The following RNF139 variants were observed in gnomAD, a reference collection of about 807,000 sequenced individuals.
RNF139 encodes E3 ubiquitin-protein ligase RNF139.
Under a neutral mutation model 49.5 loss-of-function variants are expected in RNF139, and 15 were observed. The observed-to-expected ratio is 0.30, with a 90% CI of 0.20 to 0.47. RNF139 has a LOEUF of 0.47. RNF139 is among the 20% of genes least tolerant of loss of function. The probability of loss-of-function intolerance (pLI) is 1.00; values close to 1 mark genes in which losing one functional copy is unlikely to be tolerated. For synonymous variants in RNF139, 325 were observed against 300.9 expected, an observed-to-expected ratio of 1.08 and a Z score of -0.83; for missense variants, 619 against 806.3, an observed-to-expected ratio of 0.77 and a Z score of 2.81.
chr8:124,488,213 A>G lies in RNF139; in HGVS notation c.*569A>G, dbSNP rs1465500630. Among the ~76,000 whole-genome samples, 3 of 152,314 alleles carry G rather than the reference A, an allele frequency of 2.0e-5. No individual in the cohort carries two copies. Among genetic ancestry groups the G allele is most frequent in the Non-Finnish European group, 1.5e-5 (1 of 68,022 alleles). The stretch of plus-strand genomic sequence containing the variant: ...TGAGTTTGAAAGTCCTGATTCAGAG[A>G]GAGACTGAGGGTTGACAAATAAACT... On this transcript the variant is annotated 3_prime_UTR_variant, in exon 2 of 2. Coordinates refer to ENST00000303545, the MANE Select transcript of RNF139 (RefSeq NM_007218.4).
chr8:124,488,568 G>C lies in RNF139; in HGVS notation c.*924G>C, dbSNP rs765775569. On this transcript the variant is annotated 3_prime_UTR_variant, in exon 2 of 2. Transcript: ENST00000303545. The stretch of plus-strand genomic sequence containing the variant: ...TTTTACTATGAAATTTTACATACAT[G>C]ATGGAAAGTGGAAGACATATACCAA... 2.5e-6 allele frequency: 3 copies of C among 1,181,684 alleles called. No individual in the cohort carries two copies. In the South Asian group the frequency reaches 4.1e-5, roughly 16 times the overall value. The allele number at this position is 1,181,684 out of a possible 1,614,324, so 73.2% of individuals were successfully genotyped here. A position where few individuals can be genotyped will look rare whatever the true frequency, so the allele number is the denominator to read the frequency against.
chr8:124,479,014 C>T (rs117740805), intron 1 of RNF139, among the ~76,000 whole-genome samples: 1 of 152,086 alleles, frequency 6.6e-6, no homozygotes, highest in Non-Finnish European at 1.5e-5. Context: ...CGTGAGCCAC[C>T]GTGCCTGGCC....
At chr8:124,479,942 G>T (rs1405114661) in intron 1 of RNF139, among the ~76,000 whole-genome samples, 1 of 152,042 alleles carries the variant, frequency 6.6e-6, no homozygotes, top group East Asian at 1.9e-4. Flanking sequence ...GTTGAGCAGT[G>T]TAGTGAGACC....
In RNF139 at chr8:124,486,666, G is replaced by A. The variant is rs762387529; in HGVS notation, c.1017G>A (p.Gly339=). The A allele has an allele frequency of 6.2e-7, 1 of 1,613,992 alleles. No individual in the cohort carries two copies. The change falls in exon 2 of 2, where the codon GGG becomes GGA. Residue 339 remains glycine (G), a synonymous_variant. Coordinates refer to ENST00000303545, the MANE Select transcript of RNF139 (RefSeq NM_007218.4). ...VLFFILALQT[G]LSGLRPEERL... is the part of the protein sequence containing the mutation. ...TTTTTATTTTGGCTCTTCAGACTGG[G>A]TTAAGTGGGCTAAGACCAGAAGAGA...
chr8:124,476,631 C>T (rs540877226), intron 1 of RNF139, among the ~76,000 whole-genome samples: 1 of 152,318 alleles, frequency 6.6e-6, no homozygotes, highest in Non-Finnish European at 1.5e-5. Context: ...CTAATTCCAG[C>T]CTTTCCTACT....
Position 124,475,286 on chromosome 8 carries a change from C to A in RNF139, c.177C>A (p.Leu59=). The A allele has an allele frequency of 6.2e-7, 1 of 1,612,858 alleles. No individual in the cohort carries two copies. Among genetic ancestry groups the A allele is most frequent in the Non-Finnish European group, 8.5e-7 (1 of 1,179,340 alleles). ...TCGTGCTCCAGATCTTCCTCCGGCT[C>A]TTTGGTAAGGGAACAGGGTACCGTA... ...FCIVLQIFLR[L]FGVFASSIVL... The change falls in exon 1 of 2, where the codon CTC becomes CTA. Residue 59 remains leucine (L), a synonymous_variant. Transcript: ENST00000303545.
intron 1 of RNF139, among the ~76,000 whole-genome samples, chr8:124,481,393 A>G (rs1002237702): frequency 1.5e-4 from 23 of 152,196 alleles, no homozygotes; most frequent in Admixed American, 5.2e-4. Context: ...ATAAGTTTCC[A>G]AAAGAGGGTA....
chr8:124,483,675 C>T (rs1290085492), intron 1 of RNF139, among the ~76,000 whole-genome samples: 1 of 152,062 alleles, frequency 6.6e-6, no homozygotes, highest in East Asian at 1.9e-4. Flanking sequence ...AGTGATCCAC[C>T]CGCCTCAGCC....
intron 1 of RNF139, among the ~76,000 whole-genome samples, chr8:124,477,847 G>T (rs1816338483): frequency 6.6e-6 from 1 of 152,162 alleles, no homozygotes; most frequent in Non-Finnish European, 1.5e-5. Flanking sequence ...ATAATTCATT[G>T]AGGTGGGAAA....
chr8:124,481,837 A>T (rs1020865776), intron 1 of RNF139, among the ~76,000 whole-genome samples: 5 of 152,172 alleles, frequency 3.3e-5, no homozygotes, highest in African/African-American at 7.2e-5. Flanking sequence ...CTAATGTAAA[A>T]ATGCAGTGAA....
At position 124,488,383 on chromosome 8, in the gene RNF139, T is replaced by G. The variant is rs1816591479; in HGVS notation, c.*739T>G. 1 of 352,340 alleles carries G rather than the reference T, an allele frequency of 2.8e-6. No individual in the cohort carries two copies. The highest frequency in any genetic ancestry group is 5.2e-6 in the Non-Finnish European group (1 of 191,858). The allele number at this position is 352,340 out of a possible 1,614,324, so 21.8% of individuals were successfully genotyped here. ...AAGATATTACAAAACAAAAATAGTT[T>G]TTTTTAAATTGTTTTAAACTAAGAT... On this transcript the variant is annotated 3_prime_UTR_variant, in exon 2 of 2. Coordinates refer to ENST00000303545, the MANE Select transcript of RNF139 (RefSeq NM_007218.4).
At position 124,487,528 on chromosome 8, in the gene RNF139, A is replaced by C. The variant is rs76014606; in HGVS notation, c.1879A>C (p.Arg627=). Residue 627 remains arginine, a synonymous_variant, in exon 2 of 2, where the codon AGG becomes CGG. Transcript: ENST00000303545. ...AVREAAAESD[R]ELNEDDSTDC... is the part of the protein sequence containing the mutation. ...AAGAGAAGCTGCTGCTGAATCTGACAGGGAATTGAACGAAGATGACAGTAC... is the reference window on the plus strand; with the variant it reads ...AAGAGAAGCTGCTGCTGAATCTGACCGGGAATTGAACGAAGATGACAGTAC... The C allele has an allele frequency of 3.9e-4, 627 of 1,614,156 alleles. 3 individuals carry two copies. In the African/African-American group the frequency reaches 7.1e-3, roughly 18 times the overall value.
chr8:124,487,883 T>C lies in RNF139; in HGVS notation c.*239T>C, dbSNP rs1224833222. ...ATTATTGTACATAGAATAAAATGTT[T>C]TCACATTTTTATGACAAAATTTGAA... On this transcript the variant is annotated 3_prime_UTR_variant, in exon 2 of 2. Coordinates refer to ENST00000303545, the MANE Select transcript of RNF139 (RefSeq NM_007218.4). 1.0e-5 allele frequency: 4 copies of C among 394,160 alleles called. No individual in the cohort carries two copies. The highest frequency in any genetic ancestry group is 6.6e-4 in the Middle Eastern group (1 of 1,516). 24.4% of individuals were successfully genotyped at this position (394,160 alleles called of 1,614,324 possible).
chr8:124,482,914 G>C (rs1371269514), intron 1 of RNF139, among the ~76,000 whole-genome samples: 1 of 121,284 alleles, frequency 8.2e-6, no homozygotes, highest in Non-Finnish European at 1.6e-5. Context: ...CAACAGGAGC[G>C]AAACTCCATT....
chr8:124,487,123 G>A lies in RNF139; in HGVS notation c.1474G>A (p.Gly492Arg), dbSNP rs1816549703. The A allele has an allele frequency of 6.2e-7, 1 of 1,613,826 alleles. No homozygotes were observed. The highest frequency in any genetic ancestry group is 8.5e-7 in the Non-Finnish European group (1 of 1,179,998). Reference sequence around the variant, plus strand: ...GGCTTACACTATGATGTTTGAGTCGGGAAGTAAAATTCGGGCTTTTATGAT... The same window carrying A: ...GGCTTACACTATGATGTTTGAGTCGAGAAGTAAAATTCGGGCTTTTATGAT... ...NGAYTMMFES[G>R]SKIRAFMMCL... Residue 492 changes from glycine to arginine, a missense_variant, in exon 2 of 2, where the codon GGA becomes AGA. Coordinates refer to ENST00000303545, the MANE Select transcript of RNF139 (RefSeq NM_007218.4).
In RNF139 at chr8:124,485,945, C is replaced by T. The variant is rs767688606; in HGVS notation, c.296C>T (p.Ala99Val). The T allele has an allele frequency of 6.2e-7, 1 of 1,614,184 alleles. No homozygotes were observed. Among genetic ancestry groups the T allele is most frequent in the Non-Finnish European group, 8.5e-7 (1 of 1,180,014 alleles). The change falls in exon 2 of 2, where the codon GCT (alanine) becomes GTT (valine). Residue 99 changes from alanine to valine, a missense_variant. Physicochemically the swap from Ala to Val is moderately conservative, Grantham distance 64 (BLOSUM62 0). Coordinates refer to ENST00000303545, the MANE Select transcript of RNF139 (RefSeq NM_007218.4). ...AATSVLVNYY[A>V]SLHIDFYGAY... is the part of the protein sequence containing the mutation. ...ACTTCAGTGTTGGTGAATTATTATG[C>T]TTCTTTGCACATTGACTTCTATGGT... is the stretch of plus-strand genomic sequence containing the variant.
At chr8:124,481,877 G>GTGTT (rs1816417314) in intron 1 of RNF139, among the ~76,000 whole-genome samples, 6 of 152,122 alleles carry the variant, frequency 3.9e-5, no homozygotes, top group Non-Finnish European at 8.8e-5. Flanking sequence ...AAGGCCATGA[G>GTGTT]AAAGATGATT....
rs567891432 is a variant in RNF139, at chr8:124,487,629, T to G, written c.1980T>G (p.Asn660Lys). Residue 660 changes from asparagine to lysine, a missense_variant, in exon 2 of 2, where the codon AAT becomes AAG. Asn to Lys is a moderately conservative substitution (Grantham distance 94). This residue lies in a region of RNF139 where 530 missense variants were observed against 728.9 expected (regional missense o/e 0.73). Transcript: ENST00000303545. ...QHTGAAAEEF[N>K]DDTD Reference sequence around the variant, plus strand: ...CAGGCGCAGCAGCTGAAGAATTTAATGATGATACTGACTGATGAAAATAGC... The same window carrying G: ...CAGGCGCAGCAGCTGAAGAATTTAAGGATGATACTGACTGATGAAAATAGC... The G allele has an allele frequency of 5.6e-6, 9 of 1,603,444 alleles. No individual in the cohort carries two copies. The highest frequency in any genetic ancestry group is 7.7e-6 in the Non-Finnish European group (9 of 1,174,428).
In RNF139 at chr8:124,486,065, T is replaced by C. The variant is rs1816522830; in HGVS notation, c.416T>C (p.Ile139Thr). ...ATCGTTCTACAGCTAACATTTGGAATTGGATACGTTACACTACTCCAGATT... is the reference window on the plus strand; with the variant it reads ...ATCGTTCTACAGCTAACATTTGGAACTGGATACGTTACACTACTCCAGATT... ...ALIVLQLTFG[I>T]GYVTLLQIHS... The change falls in exon 2 of 2, where the codon ATT (isoleucine) becomes ACT (threonine). Residue 139 changes from isoleucine (I) to threonine (T), a missense_variant. By Grantham distance (89) the Ile-to-Thr change is moderately conservative (BLOSUM62 -1). This residue lies in a region of RNF139 where 530 missense variants were observed against 728.9 expected (regional missense o/e 0.73). Transcript: ENST00000303545. The C allele has an allele frequency of 6.2e-7, 1 of 1,614,202 alleles. No homozygotes were observed. The highest frequency in any genetic ancestry group is 8.5e-7 in the Non-Finnish European group (1 of 1,180,014).
Sources: gnomAD v4.1 joint callset for allele counts (sites outside exome capture counted in the v4.1 genomes callset) on GRCh38, gnomAD v4.1.1 for gene constraint, gnomAD v4.1.1 regional missense constraint, MANE v1.5 for transcripts, NCBI Gene and HGNC (gene_info 2026-07-23, HGNC 2026-07-21) for gene names.